The following SMAP2 variants were observed in gnomAD, a reference collection of about 807,000 sequenced individuals.
SMAP2 encodes small ArfGAP2, also known as stromal membrane-associated protein 2.
SMAP2 carries 25 observed loss-of-function variants against 56.4 expected under a neutral mutation model. That is an observed-to-expected ratio of 0.44 (90% CI 0.32 to 0.62). The LOEUF is 0.62. Among genes scored for constraint, SMAP2 ranks in the 20% least tolerant of loss-of-function variants. SMAP2 has a pLI of 0.04. For missense variants in SMAP2, 388 were observed against 545.6 expected (o/e 0.71, Z 2.88); for synonymous variants, 157 against 181.7 (o/e 0.86, Z 1.09).
At chr1:40,383,647 G>C (rs1644624309) in intron 1 of SMAP2, among the ~76,000 whole-genome samples, 1 of 152,180 alleles carries the variant, frequency 6.6e-6, no homozygotes, top group Admixed American at 6.5e-5. Flanking sequence ...TATATACTTA[G>C]GGGGTATGAC....
intron 1 of SMAP2, among the ~76,000 whole-genome samples, chr1:40,388,101 C>T (rs948190344): frequency 7.2e-5 from 11 of 152,180 alleles, no homozygotes; most frequent in Non-Finnish European, 1.3e-4. Context: ...GGGCAGGGCT[C>T]GGGACCTGCA....
At chr1:40,394,234 G>A (rs1008580840) in intron 1 of SMAP2, among the ~76,000 whole-genome samples, 1 of 152,120 alleles carries the variant, frequency 6.6e-6, no homozygotes, top group South Asian at 2.1e-4. Flanking sequence ...CTTATGCGGT[G>A]TGTTTAGGTG....
Position 40,422,022 on chromosome 1 carries a change from T to C in SMAP2, c.1211T>C (p.Met404Thr). The change falls in exon 10 of 10, where the codon ATG (methionine) becomes ACG (threonine). Residue 404 changes from methionine to threonine, a missense_variant. Transcript: ENST00000372718. ...AGMNFYGANG[M>T]MNYGQSMSGG... ...ATGAACTTCTATGGAGCCAATGGCATGATGAACTATGGACAGTCAATGAGT... is the reference window on the plus strand; with the variant it reads ...ATGAACTTCTATGGAGCCAATGGCACGATGAACTATGGACAGTCAATGAGT... 2 of 1,614,192 alleles carry C rather than the reference T, an allele frequency of 1.2e-6. No homozygotes were observed. The highest frequency in any genetic ancestry group is 1.7e-6 in the Non-Finnish European group (2 of 1,180,028).
At chr1:40,381,676 G>A (rs527412751) in intron 1 of SMAP2, among the ~76,000 whole-genome samples, 36 of 152,238 alleles carry the variant, frequency 2.4e-4, no homozygotes, top group Middle Eastern at 3.4e-3. Flanking sequence ...GACTTGCTTC[G>A]TGGCATTGAG....
chr1:40,412,406 T>C (rs1432311400), intron 4 of SMAP2, among the ~76,000 whole-genome samples: 1 of 152,224 alleles, frequency 6.6e-6, no homozygotes, highest in African/African-American at 2.4e-5. Flanking sequence ...TTTTTATCAC[T>C]GGCAAGACCA....
intron 1 of SMAP2, among the ~76,000 whole-genome samples, chr1:40,346,080 G>GA (rs1460890629): frequency 2.9e-5 from 4 of 139,860 alleles, no homozygotes; most frequent in African/African-American, 1.0e-4. Flanking sequence ...CCAAAGTGCT[G>GA]AAATTGCAGA....
chr1:40,402,796 A>G (rs534348987), intron 1 of SMAP2, among the ~76,000 whole-genome samples: 1 of 152,316 alleles, frequency 6.6e-6, no homozygotes, highest in Non-Finnish European at 1.5e-5. Flanking sequence ...TAACATTTGC[A>G]GCAACATGGA....
At chr1:40,405,603 T>C (rs1007905336) in intron 1 of SMAP2, among the ~76,000 whole-genome samples, 10 of 152,260 alleles carry the variant, frequency 6.6e-5, no homozygotes, top group Admixed American at 3.3e-4. Flanking sequence ...TTTATCTCTG[T>C]AGAAAATCAG....
chr1:40,365,568 T>C (rs796457573), intron 2 of SMAP2, among the ~76,000 whole-genome samples: 3 of 152,314 alleles, frequency 2.0e-5, no homozygotes, highest in African/African-American at 7.2e-5. Flanking sequence ...AGCTCCGGTC[T>C]ACAGCTCCCA....
chr1:40,416,653 GT>G, intron 8 of SMAP2, 126 bp from the exon 9 acceptor site: 1 of 1,004,334 alleles, frequency 1.0e-6, no homozygotes, highest in Non-Finnish European at 1.5e-6. Flanking sequence ...CTACTTTGCT[GT>G]GTAAAGAGCA....
chr1:40,407,279 G>T (rs1404772392), intron 2 of SMAP2, among the ~76,000 whole-genome samples: 1 of 152,094 alleles, frequency 6.6e-6, no homozygotes, highest in East Asian at 1.9e-4. Flanking sequence ...GAGTCTAGGA[G>T]TTCAAGACCA....
chr1:40,373,514 C>T (rs900377429), upstream of SMAP2, among the ~76,000 whole-genome samples: 1 of 152,230 alleles, frequency 6.6e-6, no homozygotes, highest in Non-Finnish European at 1.5e-5. Flanking sequence ...TCCCTTTCTA[C>T]CAGGCTCCAT....
At chr1:40,389,367 T>C (rs1042100524) in intron 1 of SMAP2, among the ~76,000 whole-genome samples, 10 of 152,202 alleles carry the variant, frequency 6.6e-5, no homozygotes, top group African/African-American at 2.4e-4. Context: ...TGTGTTTTCA[T>C]GTCTATCTGC....
At chr1:40,421,687 A>G (rs1291209071) in intron 9 of SMAP2, among the ~76,000 whole-genome samples, 1 of 152,188 alleles carries the variant, frequency 6.6e-6, no homozygotes, top group East Asian at 1.9e-4. Flanking sequence ...TGGAAAGGAA[A>G]AAGAGAGGAA....
intron 1 of SMAP2, among the ~76,000 whole-genome samples, chr1:40,345,637 T>C (rs111492747): frequency 5.3e-5 from 8 of 152,042 alleles, no homozygotes; most frequent in African/African-American, 1.9e-4. Flanking sequence ...TTTATTTTCA[T>C]TTTTAAACCT....
intron 1 of SMAP2, among the ~76,000 whole-genome samples, chr1:40,397,177 C>T (rs1046342005): frequency 6.6e-6 from 1 of 152,124 alleles, no homozygotes; most frequent in Non-Finnish European, 1.5e-5. Flanking sequence ...AACCATTGAA[C>T]GGTAAGCAGG....
intron 1 of SMAP2, among the ~76,000 whole-genome samples, chr1:40,384,699 A>G (rs773998570): frequency 1.3e-5 from 2 of 152,350 alleles, no homozygotes; most frequent in Middle Eastern, 3.4e-3. Flanking sequence ...CAACTGTAAC[A>G]ATTGCATAGG....
intron 1 of SMAP2, among the ~76,000 whole-genome samples, chr1:40,361,557 G>T (rs774752161): frequency 1.3e-5 from 2 of 152,150 alleles, no homozygotes; most frequent in South Asian, 4.1e-4. Flanking sequence ...TTAGCTCTTA[G>T]ATGGCATTTC....
intron 1 of SMAP2, among the ~76,000 whole-genome samples, chr1:40,375,361 G>C (rs1401749270): frequency 6.6e-6 from 1 of 152,180 alleles, no homozygotes; most frequent in Non-Finnish European, 1.5e-5. Context: ...ATAAAACAAA[G>C]ATTCAGTTAT....
Sources: gnomAD v4.1 joint callset for allele counts (sites outside exome capture counted in the v4.1 genomes callset) on GRCh38, gnomAD v4.1.1 for gene constraint, MANE v1.5 for transcripts, NCBI Gene and HGNC (gene_info 2026-07-23, HGNC 2026-07-21) for gene names.